AGAP1: variants seen among roughly 807,000 people sequenced by gnomAD.
AGAP1 encodes the protein ArfGAP with GTPase domain, ankyrin repeat and PH domain 1, also known as arf-GAP with GTPase, ANK repeat and PH domain-containing protein 1.
Under a neutral mutation model 105.3 loss-of-function variants are expected in AGAP1, and 29 were observed. That is an observed-to-expected ratio of 0.28 (90% CI 0.21 to 0.38). The LOEUF (loss-of-function observed/expected upper bound fraction) is 0.38, where lower values mean the gene tolerates loss of function less well. AGAP1 is among the 10% of genes least tolerant of loss of function. The pLI is 1.00. For missense variants in AGAP1, 998 were observed against 1,165.1 expected (o/e 0.86, Z 2.09); for synonymous variants, 509 against 485.9 (o/e 1.05, Z -0.63).
chr2:235,797,863 G>T lies in AGAP1; in HGVS notation c.778G>T (p.Val260Leu), dbSNP rs1454180638. 3 of 1,614,200 alleles carry T rather than the reference G, an allele frequency of 1.9e-6. No individual in the cohort carries two copies. The South Asian group carries it at 3.3e-5, about 18-fold the overall frequency. ...CCATTCCTCCGTCTGTTCCGCGCAG[G>T]TGTCTGCCGTGCACATCAGCCAGGT... ...PSHSSVCSAQ[V>L]SAVHISQTSN... Residue 260 changes from valine (V) to leucine (L), a missense_variant, in exon 7 of 18, where the codon GTG (valine) becomes TTG (leucine). Around this residue, in one of 3 missense-constraint regions of AGAP1, gnomAD observed 735 missense variants for 833.4 expected, o/e 0.88. Transcript: ENST00000304032.
At chr2:235,511,090 G>A (rs1458338066) in intron 1 of AGAP1, among the ~76,000 whole-genome samples, 13 of 152,156 alleles carry the variant, frequency 8.5e-5, no homozygotes, top group Non-Finnish European at 1.5e-5. Flanking sequence ...ACAACTTTGG[G>A]GTGTCATGGT....
intron 1 of AGAP1, among the ~76,000 whole-genome samples, chr2:235,679,812 G>A (rs1369528382): frequency 6.6e-6 from 1 of 152,188 alleles, no homozygotes; most frequent in Non-Finnish European, 1.5e-5. Context: ...CTTGTTGGGC[G>A]TGACTTTTAG....
intron 2 of AGAP1, among the ~76,000 whole-genome samples, chr2:235,715,524 A>G (rs763520496): frequency 3.3e-5 from 5 of 152,114 alleles, no homozygotes; most frequent in Non-Finnish European, 5.9e-5. Flanking sequence ...AAGTTCATGG[A>G]CCTGCTGGGC....
At chr2:235,637,638 A>G (rs542494106) in intron 1 of AGAP1, among the ~76,000 whole-genome samples, 15 of 152,106 alleles carry the variant, frequency 9.9e-5, no homozygotes, top group African/African-American at 3.6e-4. Flanking sequence ...AGTGGGCTGT[A>G]TGTTTCAGAA....
At chr2:235,969,319 TACAC>T (rs201191090) in intron 13 of AGAP1, among the ~76,000 whole-genome samples, 10 of 150,388 alleles carry the variant, frequency 6.6e-5, no homozygotes, top group Non-Finnish European at 6.0e-5. Flanking sequence ...CACACACACA[TACAC>T]ACACACCCCC....
At chr2:235,540,433 G>C (rs904126643) in intron 1 of AGAP1, among the ~76,000 whole-genome samples, 1 of 152,178 alleles carries the variant, frequency 6.6e-6, no homozygotes, top group African/African-American at 2.4e-5. Context: ...GATTACAGGC[G>C]TGAGCCATCG....
intron 12 of AGAP1, among the ~76,000 whole-genome samples, chr2:235,932,868 A>G (rs749641823): frequency 2.9e-4 from 44 of 152,224 alleles, no homozygotes; most frequent in Non-Finnish European, 5.6e-4. Context: ...AGTGGGCTGC[A>G]TTGTCTGCAC....
At chr2:235,925,192 A>G (rs555053321) in intron 11 of AGAP1, among the ~76,000 whole-genome samples, 1 of 152,166 alleles carries the variant, frequency 6.6e-6, no homozygotes, top group Non-Finnish European at 1.5e-5. Context: ...AGGTTGGTGA[A>G]TTAGGACCAC....
At chr2:235,594,213 T>A (rs556947843) in intron 1 of AGAP1, among the ~76,000 whole-genome samples, 2 of 152,244 alleles carry the variant, frequency 1.3e-5, no homozygotes, top group South Asian at 4.1e-4. Flanking sequence ...ATACAGTTCT[T>A]ACATGGCTTT....
intron 1 of AGAP1, among the ~76,000 whole-genome samples, chr2:235,539,855 A>C (rs904855550): frequency 2.6e-5 from 4 of 152,334 alleles, no homozygotes; most frequent in African/African-American, 9.6e-5. Context: ...AGGGATGTGA[A>C]GATTTCTCTT....
At position 236,077,142 on chromosome 2, in the gene AGAP1, A is replaced by AAT. The variant is rs1340264497; in HGVS notation, c.2114+27878_2114+27879dup. 1.4e-3 allele frequency among the ~76,000 whole-genome samples: 152 copies of AAT among 106,500 alleles called. 4 individuals carry two copies. Among genetic ancestry groups the AAT allele is most frequent in the African/African-American group, 1.9e-3 (53 of 28,174 alleles). 69.9% of individuals were successfully genotyped at this position (106,500 alleles called of 152,430 possible). ...AAAAGAGTAGAAAAAAAAAAAAAAA[A>AAT]ATATATATATATATATATTCATATT... On this transcript the variant is annotated intron_variant, in intron 16 of 17. Coordinates refer to ENST00000304032, the MANE Select transcript of AGAP1 (RefSeq NM_001037131.3).
At position 235,725,949 on chromosome 2, in the gene AGAP1, G is replaced by GA. The variant is rs1201296572; in HGVS notation, c.310+8312dup. Reference sequence around the variant, plus strand: ...GCATGTTCTGTTTCATTTTGAGCAAGAAAAAAAGCCGTAAAATCAGAATAA... The same window carrying GA: ...GCATGTTCTGTTTCATTTTGAGCAAGAAAAAAAAGCCGTAAAATCAGAATAA... On this transcript the variant is annotated intron_variant, in intron 3 of 17. Transcript: ENST00000304032. This position sits in a 1 kb window ranked among gnomAD's most constrained non-coding sequence, Gnocchi z 5.7. Among the ~76,000 whole-genome samples the GA allele has an allele frequency of 6.6e-6, 1 of 152,034 alleles. No individual in the cohort carries two copies. Among genetic ancestry groups the GA allele is most frequent in the Non-Finnish European group, 1.5e-5 (1 of 68,002 alleles).
chr2:235,544,767 T>A (rs1259016697), intron 1 of AGAP1, among the ~76,000 whole-genome samples: 2 of 152,160 alleles, frequency 1.3e-5, no homozygotes, highest in Non-Finnish European at 2.9e-5. Flanking sequence ...AAACTCGAAT[T>A]TCCAGTTGAT....
At chr2:235,827,557 TA>T (rs767977969) in intron 9 of AGAP1, among the ~76,000 whole-genome samples, 46 of 152,226 alleles carry the variant, frequency 3.0e-4, no homozygotes, top group Non-Finnish European at 5.9e-4. Context: ...CAATGACTTT[TA>T]AAAGTTCCTT....
At chr2:236,024,890 C>A (rs1456329494) in intron 13 of AGAP1, among the ~76,000 whole-genome samples, 3 of 152,232 alleles carry the variant, frequency 2.0e-5, no homozygotes, top group Non-Finnish European at 2.9e-5. Context: ...CTTTCCACAG[C>A]TAACTGTTAA....
At position 236,073,661 on chromosome 2, in the gene AGAP1, G is replaced by T. The variant is rs191952468; in HGVS notation, c.2114+24380G>T. Among the ~76,000 whole-genome samples, 3 of 152,274 alleles carry T rather than the reference G, an allele frequency of 2.0e-5. No homozygotes were observed. The highest frequency in any genetic ancestry group is 2.0e-4 in the Admixed American group (3 of 15,292). On this transcript the variant is annotated intron_variant, in intron 16 of 17. Coordinates refer to ENST00000304032, the MANE Select transcript of AGAP1 (RefSeq NM_001037131.3). This position sits in a 1 kb window ranked among gnomAD's most constrained non-coding sequence, Gnocchi z 5.4. ...CTGAGAATGGCGATTAAGTAACCTG[G>T]TCTTAACTCCAGGGCCCACCACAGC...
chr2:235,750,285 T>G lies in AGAP1; in HGVS notation c.539-69T>G. The G allele has an allele frequency of 6.3e-7, 1 of 1,596,050 alleles. No individual in the cohort carries two copies. The highest frequency in any genetic ancestry group is 8.6e-7 in the Non-Finnish European group (1 of 1,165,216). ...AGTAAGGTACTGGTTTTCCGTGTTGTGGGGAGTGTAGGAAGTATTTAGAGC... is the reference window on the plus strand; with the variant it reads ...AGTAAGGTACTGGTTTTCCGTGTTGGGGGGAGTGTAGGAAGTATTTAGAGC... On this transcript the variant is annotated intron_variant, in intron 5 of 17. Coordinates refer to ENST00000304032, the MANE Select transcript of AGAP1 (RefSeq NM_001037131.3). This position sits in a 1 kb window ranked among gnomAD's most constrained non-coding sequence, Gnocchi z 5.3.
intron 13 of AGAP1, among the ~76,000 whole-genome samples, chr2:236,024,262 CTT>C (rs1168529625): frequency 1.4e-4 from 21 of 152,188 alleles, no homozygotes; most frequent in African/African-American, 4.8e-4. Context: ...GTCTCAAACT[CTT>C]GAGCTCAGGC....
intron 8 of AGAP1, among the ~76,000 whole-genome samples, chr2:235,802,583 G>A (rs1224545256): frequency 1.3e-5 from 2 of 152,212 alleles, no homozygotes; most frequent in East Asian, 3.8e-4. Context: ...TTCTGGGCAG[G>A]GATCCATATG....
Sources: gnomAD v4.1 joint callset for allele counts (sites outside exome capture counted in the v4.1 genomes callset) on GRCh38, gnomAD v4.1.1 for gene constraint, gnomAD v4.1.1 regional missense constraint, Gnocchi (gnomAD v3.1) non-coding constraint, MANE v1.5 for transcripts, NCBI Gene and HGNC (gene_info 2026-07-23, HGNC 2026-07-21) for gene names.